SUGCT: variants seen among roughly 807,000 people sequenced by gnomAD.
SUGCT encodes the protein succinyl-CoA:glutarate-CoA transferase.
A neutral mutation model predicts 55.0 loss-of-function variants in SUGCT; 41 were observed. The ratio of observed to expected loss-of-function variants is 0.74; its 90% CI spans 0.58 to 0.97. SUGCT has a LOEUF of 0.97. SUGCT is among the 50% of genes least tolerant of loss of function. The pLI is 0.00. For missense variants in SUGCT, 568 were observed against 547.8 expected, an observed-to-expected ratio of 1.04 and a Z score of -0.37; for synonymous variants, 187 against 200.4, an observed-to-expected ratio of 0.93 and a Z score of 0.56.
At chr7:40,837,982 G>A (rs910616044) in intron 13 of SUGCT, among the ~76,000 whole-genome samples, 7 of 152,040 alleles carry the variant, frequency 4.6e-5, no homozygotes, top group Admixed American at 2.6e-4. Flanking sequence ...ATGGTCAGTC[G>A]CTCTAGCACC....
chr7:40,807,492 G>A (rs1791166299), intron 13 of SUGCT, among the ~76,000 whole-genome samples: 1 of 152,158 alleles, frequency 6.6e-6, no homozygotes, highest in Admixed American at 6.5e-5. Flanking sequence ...AAGTGTCCAA[G>A]GCCTAGGCTG....
intron 12 of SUGCT, among the ~76,000 whole-genome samples, chr7:40,509,231 C>T (rs533389859): frequency 2.0e-5 from 3 of 152,114 alleles, no homozygotes; most frequent in Non-Finnish European, 4.4e-5. Context: ...TCAAGTTTTT[C>T]TCTCATGATC....
At chr7:40,454,969 A>G (rs537048824) in intron 10 of SUGCT, among the ~76,000 whole-genome samples, 1 of 152,300 alleles carries the variant, frequency 6.6e-6, no homozygotes, top group African/African-American at 2.4e-5. Context: ...ATAATGGTCT[A>G]TTCTTTTCCT....
chr7:40,636,696 G>A (rs2151817736), intron 12 of SUGCT, among the ~76,000 whole-genome samples: 1 of 152,276 alleles, frequency 6.6e-6, no homozygotes, highest in Non-Finnish European at 1.5e-5. Flanking sequence ...TTCTGGTAGT[G>A]AAGAGTGGTG....
intron 6 of SUGCT, among the ~76,000 whole-genome samples, chr7:40,202,442 G>GT (rs1307292026): frequency 6.6e-6 from 1 of 152,154 alleles, no homozygotes; most frequent in East Asian, 1.9e-4. Context: ...GCATGTGTGT[G>GT]TGTTTGTATT....
chr7:40,525,788 A>C (rs369530543), intron 12 of SUGCT, among the ~76,000 whole-genome samples: 5 of 152,288 alleles, frequency 3.3e-5, no homozygotes, highest in African/African-American at 1.2e-4. Context: ...ACTTAGACAC[A>C]ATCATGTTTT....
At chr7:40,379,907 T>C (rs910594839) in intron 9 of SUGCT, among the ~76,000 whole-genome samples, 2 of 152,240 alleles carry the variant, frequency 1.3e-5, no homozygotes, top group Non-Finnish European at 2.9e-5. Context: ...AAGCTCCTTA[T>C]GAATGTTCAT....
At chr7:40,683,359 C>A (rs1286342152) in intron 12 of SUGCT, among the ~76,000 whole-genome samples, 1 of 152,166 alleles carries the variant, frequency 6.6e-6, no homozygotes, top group Non-Finnish European at 1.5e-5. Flanking sequence ...AGTTTTTCCA[C>A]CTGTGCTCAA....
At chr7:40,601,116 T>G (rs892821043) in intron 12 of SUGCT, among the ~76,000 whole-genome samples, 1 of 152,202 alleles carries the variant, frequency 6.6e-6, no homozygotes, top group African/African-American at 2.4e-5. Flanking sequence ...CAAAATTTCT[T>G]TAGTTTATCT....
intron 12 of SUGCT, among the ~76,000 whole-genome samples, chr7:40,547,423 A>G (rs191028037): frequency 3.3e-4 from 50 of 152,362 alleles, no homozygotes; most frequent in African/African-American, 1.2e-3. Flanking sequence ...TTAAAAACTT[A>G]TAATGGCTAT....
intron 12 of SUGCT, among the ~76,000 whole-genome samples, chr7:40,639,954 T>G (rs1800195869): frequency 6.6e-6 from 1 of 152,198 alleles, no homozygotes; most frequent in Non-Finnish European, 1.5e-5. Flanking sequence ...GTCTCTTGCT[T>G]GATTGGTTAG....
At chr7:40,171,411 T>C (rs1180721453) in intron 1 of SUGCT, among the ~76,000 whole-genome samples, 1 of 152,220 alleles carries the variant, frequency 6.6e-6, no homozygotes, top group Non-Finnish European at 1.5e-5. Flanking sequence ...TCAGTCACCC[T>C]GGAGGAACCA....
intron 12 of SUGCT, among the ~76,000 whole-genome samples, chr7:40,584,417 C>CT (rs1450397850): frequency 6.6e-6 from 1 of 152,158 alleles, no homozygotes; most frequent in Non-Finnish European, 1.5e-5. Context: ...CATATTTTGT[C>CT]TAAGTCTTCA....
At chr7:40,661,101 G>A (rs1801281473) in intron 12 of SUGCT, among the ~76,000 whole-genome samples, 1 of 152,206 alleles carries the variant, frequency 6.6e-6, no homozygotes, top group Non-Finnish European at 1.5e-5. Context: ...GCTCCACACT[G>A]CATAGATGGA....
At chr7:40,777,764 A>G (rs987888004) in intron 13 of SUGCT, among the ~76,000 whole-genome samples, 1 of 151,880 alleles carries the variant, frequency 6.6e-6, no homozygotes, top group Admixed American at 6.6e-5. Flanking sequence ...CCAGAAACAG[A>G]CATGTACTTA....
intron 12 of SUGCT, among the ~76,000 whole-genome samples, chr7:40,615,638 A>G (rs1798966680): frequency 6.6e-6 from 1 of 152,214 alleles, no homozygotes; most frequent in Non-Finnish European, 1.5e-5. Context: ...TGGGCAGAAT[A>G]CATGATCTCC....
intron 12 of SUGCT, among the ~76,000 whole-genome samples, chr7:40,649,004 TAAA>T (rs1204245300): frequency 2.0e-5 from 3 of 152,204 alleles, no homozygotes; most frequent in East Asian, 1.9e-4. Context: ...ACTTTTTTCT[TAAA>T]AACTTAAGAG....
chr7:40,589,096 G>A (rs1477068519), intron 12 of SUGCT, among the ~76,000 whole-genome samples: 1 of 151,964 alleles, frequency 6.6e-6, no homozygotes, highest in Non-Finnish European at 1.5e-5. Context: ...TGGTGTCATA[G>A]CAGCTTGTCA....
intron 1 of SUGCT, among the ~76,000 whole-genome samples, chr7:40,155,441 G>A (rs1448383994): frequency 6.6e-6 from 1 of 152,108 alleles, no homozygotes; most frequent in East Asian, 1.9e-4. Flanking sequence ...CTGAGCTAAG[G>A]GAAAAGGACA....
Sources: allele counts gnomAD v4.1 joint callset (sites outside exome capture counted in the v4.1 genomes callset), GRCh38; gene constraint gnomAD v4.1.1; transcripts MANE v1.5; gene names NCBI Gene and HGNC (gene_info 2026-07-23, HGNC 2026-07-21).